The following ME3 variants were observed in gnomAD, a reference collection of about 807,000 sequenced individuals.
ME3 encodes the protein malic enzyme 3.
Under a neutral mutation model 68.9 loss-of-function variants are expected in ME3, and 48 were observed. That is an observed-to-expected ratio of 0.70 (90% CI 0.55 to 0.89). The LOEUF (loss-of-function observed/expected upper bound fraction) is 0.89, where lower values mean the gene tolerates loss of function less well. Among genes scored for constraint, ME3 ranks in the 40% least tolerant of loss-of-function variants. The pLI, the probability that ME3 is intolerant of heterozygous loss-of-function variation, is 0.00. For missense variants in ME3, 675 were observed against 797.4 expected (o/e 0.85, Z 1.85); for synonymous variants, 320 against 318.8 (o/e 1.00, Z -0.04).
intron 2 of ME3, among the ~76,000 whole-genome samples, chr11:86,592,438 A>G (rs955265221): frequency 6.6e-6 from 1 of 152,246 alleles, no homozygotes; most frequent in African/African-American, 2.4e-5. Flanking sequence ...AATGGAATCC[A>G]TCTTCAAGGA....
chr11:86,554,676 A>G (rs1956845328), intron 4 of ME3, among the ~76,000 whole-genome samples: 1 of 152,206 alleles, frequency 6.6e-6, no homozygotes, highest in African/African-American at 2.4e-5. Context: ...TGTGGAAATT[A>G]AGGCAGAGAG....
At chr11:86,535,046 A>G (rs1955554400) in intron 4 of ME3, among the ~76,000 whole-genome samples, 1 of 152,150 alleles carries the variant, frequency 6.6e-6, no homozygotes, top group Admixed American at 6.5e-5. Context: ...GTAGAGGTTT[A>G]CTCTCAAACA....
chr11:86,535,518 G>C (rs763453043), intron 4 of ME3, among the ~76,000 whole-genome samples: 1 of 152,072 alleles, frequency 6.6e-6, no homozygotes, highest in Non-Finnish European at 1.5e-5. Flanking sequence ...GGCTGGATTT[G>C]GGGATAAAGT....
chr11:86,536,837 G>T (rs561924154), intron 4 of ME3, among the ~76,000 whole-genome samples: 3 of 152,182 alleles, frequency 2.0e-5, no homozygotes, highest in Non-Finnish European at 4.4e-5. Flanking sequence ...ACATGCACAC[G>T]TATGTTTATT....
chr11:86,477,335 A>T lies in ME3; in HGVS notation c.809+10002T>A, dbSNP rs114085812. On this transcript the variant is annotated intron_variant, in intron 7 of 14. Coordinates refer to ENST00000543262, the Ensembl canonical transcript of ME3. ...GAGGTACTTGTACTTTGTAAACTTC[A>T]GTTTCTTCATCTCTTAAAATAAAGT... Among the ~76,000 whole-genome samples the T allele has an allele frequency of 7.5e-3, 1,020 of 136,540 alleles. 10 individuals are homozygous for T. Among genetic ancestry groups the T allele is most frequent in the African/African-American group, 0.026 (952 of 36,278 alleles). 89.6% of individuals were successfully genotyped at this position (136,540 alleles called of 152,430 possible). A position where few individuals can be genotyped will look rare whatever the true frequency, so the allele number is the denominator to read the frequency against.
intron 2 of ME3, among the ~76,000 whole-genome samples, chr11:86,611,543 A>G (rs1461869287): frequency 6.6e-6 from 1 of 150,624 alleles, no homozygotes; most frequent in African/African-American, 2.4e-5. Flanking sequence ...TATATATCAA[A>G]TCATCACATT....
intron 2 of ME3, among the ~76,000 whole-genome samples, chr11:86,608,531 G>A (rs1439049710): frequency 2.0e-5 from 3 of 152,158 alleles, no homozygotes; most frequent in Non-Finnish European, 4.4e-5. Context: ...CTCAGTCAGA[G>A]CAATGGACTC....
At chr11:86,521,689 A>G (rs552210030) in intron 4 of ME3, among the ~76,000 whole-genome samples, 4 of 152,300 alleles carry the variant, frequency 2.6e-5, no homozygotes, top group East Asian at 3.9e-4. Flanking sequence ...TCTTGACACA[A>G]TTATTAACAC....
chr11:86,486,375 A>G (rs1454609438), intron 7 of ME3, among the ~76,000 whole-genome samples: 2 of 152,222 alleles, frequency 1.3e-5, no homozygotes, highest in Non-Finnish European at 2.9e-5. Flanking sequence ...AACCCAGAAA[A>G]GTTTAGTAAC....
At chr11:86,547,330 G>A (rs796130769) in intron 4 of ME3, among the ~76,000 whole-genome samples, 6 of 151,828 alleles carry the variant, frequency 4.0e-5, no homozygotes, top group African/African-American at 1.2e-4. Flanking sequence ...GTTATTTGCA[G>A]GGACATGGAT....
chr11:86,461,663 GCTCT>G (rs565375818), intron 8 of ME3, among the ~76,000 whole-genome samples: 45 of 152,104 alleles, frequency 3.0e-4, no homozygotes, highest in Admixed American at 1.6e-3. Flanking sequence ...TGGCGAGGTG[GCTCT>G]CTCTCTCTGA....
chr11:86,590,615 C>A (rs1173161860), intron 2 of ME3, among the ~76,000 whole-genome samples: 1 of 152,144 alleles, frequency 6.6e-6, no homozygotes, highest in African/African-American at 2.4e-5. Flanking sequence ...GCTGTGCCAC[C>A]TGGGAGGTGA....
At chr11:86,530,006 G>T (rs1020441493) in intron 4 of ME3, among the ~76,000 whole-genome samples, 1 of 152,150 alleles carries the variant, frequency 6.6e-6, no homozygotes, top group African/African-American at 2.4e-5. Flanking sequence ...TCTGGCCAGG[G>T]CAATCAGGCA....
At chr11:86,549,785 G>A (rs984777284) in intron 4 of ME3, among the ~76,000 whole-genome samples, 4 of 152,196 alleles carry the variant, frequency 2.6e-5, no homozygotes, top group African/African-American at 9.7e-5. Context: ...GGGAAGAGAG[G>A]AGGATGGCAG....
chr11:86,445,825 G>A (rs1949254231), intron 13 of ME3, among the ~76,000 whole-genome samples: 1 of 152,096 alleles, frequency 6.6e-6, no homozygotes, highest in Admixed American at 6.5e-5. Flanking sequence ...CTCAAGATCT[G>A]GGTCCTCCAA....
At chr11:86,448,403 T>C in intron 10 of ME3, 148 bp from the exon 11 acceptor site, 1 of 633,888 alleles carries the variant, frequency 1.6e-6, no homozygotes, top group East Asian at 2.7e-5. Flanking sequence ...TCTTCTTGAC[T>C]ACATTTCCTG....
chr11:86,625,322 C>G (rs138929742), intron 2 of ME3, among the ~76,000 whole-genome samples: 5 of 151,840 alleles, frequency 3.3e-5, no homozygotes, highest in Non-Finnish European at 5.9e-5. Context: ...AATGAAGACG[C>G]GTAGCTGATC....
At chr11:86,588,533 T>C (rs1958869764) in intron 2 of ME3, among the ~76,000 whole-genome samples, 2 of 152,180 alleles carry the variant, frequency 1.3e-5, no homozygotes, top group Non-Finnish European at 2.9e-5. Context: ...GAAAACGCCA[T>C]ATTTCAACCC....
chr11:86,447,193 C>T (rs3182235), exon 12 of ME3: 46,990 of 1,613,926 alleles, frequency 0.029, 771 homozygotes, highest in Non-Finnish European at 0.033. Flanking sequence ...AAGGCTCCTG[C>T]GATGGCAGCA....
Sources: gnomAD v4.1 joint callset for allele counts (sites outside exome capture counted in the v4.1 genomes callset) on GRCh38, gnomAD v4.1.1 for gene constraint, MANE v1.5 for transcripts, NCBI Gene and HGNC (gene_info 2026-07-23, HGNC 2026-07-21) for gene names.